RAP1GDS1: variants seen among roughly 807,000 people sequenced by gnomAD.
The protein encoded by RAP1GDS1 is Rap1 GTPase-GDP dissociation stimulator 1, also known as RAP1, GTP-GDP dissociation stimulator 1.
A neutral mutation model predicts 71.1 loss-of-function variants in RAP1GDS1; 35 were observed. The observed-to-expected ratio is 0.49, with a 90% CI of 0.38 to 0.65. The LOEUF (loss-of-function observed/expected upper bound fraction) is 0.65. Ranked by LOEUF, RAP1GDS1 falls within the 30% of genes least tolerant of loss-of-function variation. RAP1GDS1 has a pLI of 0.00. For missense variants in RAP1GDS1, 663 were observed against 706.1 expected (o/e 0.94, Z 0.69); for synonymous variants, 229 against 243.1 (o/e 0.94, Z 0.54).
intron 7 of RAP1GDS1, among the ~76,000 whole-genome samples, chr4:98,415,959 C>T (rs967593827): frequency 9.9e-5 from 15 of 152,054 alleles, no homozygotes; most frequent in Non-Finnish European, 1.9e-4. Context: ...CTCTGTTGCC[C>T]AGACTGGAGT....
At chr4:98,362,110 AG>A (rs1293958968) in intron 4 of RAP1GDS1, among the ~76,000 whole-genome samples, 1 of 152,200 alleles carries the variant, frequency 6.6e-6, no homozygotes, top group Non-Finnish European at 1.5e-5. Flanking sequence ...GCAAAATTAT[AG>A]GGGGAAATGT....
At chr4:98,371,115 C>CT (rs1032888957) in intron 4 of RAP1GDS1, among the ~76,000 whole-genome samples, 3,510 of 135,762 alleles carry the variant, frequency 0.026, 117 homozygotes, top group African/African-American at 0.067. Flanking sequence ...ATTGTTATAT[C>CT]TTTTTTTTTT....
At chr4:98,269,796 A>G (rs1283625852) in intron 1 of RAP1GDS1, among the ~76,000 whole-genome samples, 1 of 152,172 alleles carries the variant, frequency 6.6e-6, no homozygotes, top group South Asian at 2.1e-4. Flanking sequence ...AGTATCATGC[A>G]TGTATTCCAA....
At chr4:98,334,962 T>A (rs1352855236) in intron 2 of RAP1GDS1, among the ~76,000 whole-genome samples, 1 of 149,646 alleles carries the variant, frequency 6.7e-6, no homozygotes, top group Non-Finnish European at 1.5e-5. Flanking sequence ...AGGCTTTACA[T>A]GTCAGCTTAA....
At chr4:98,279,408 T>A (rs928409982) in intron 1 of RAP1GDS1, among the ~76,000 whole-genome samples, 9 of 151,824 alleles carry the variant, frequency 5.9e-5, no homozygotes, top group South Asian at 4.2e-4. Flanking sequence ...ATTTAAAAAA[T>A]TTTTAAATGA....
At chr4:98,263,277 TC>T (rs1428346560) in intron 1 of RAP1GDS1, among the ~76,000 whole-genome samples, 1 of 152,224 alleles carries the variant, frequency 6.6e-6, no homozygotes, top group Non-Finnish European at 1.5e-5. Context: ...AAATATATTT[TC>T]CCATGTTTCC....
intron 6 of RAP1GDS1, among the ~76,000 whole-genome samples, chr4:98,397,107 ATTG>A (rs1050144435): frequency 7.9e-5 from 12 of 152,202 alleles, no homozygotes; most frequent in African/African-American, 2.2e-4. Flanking sequence ...TTTCCTCCTG[ATTG>A]TTATTTATGC....
At chr4:98,340,744 G>A (rs576958627) in intron 2 of RAP1GDS1, among the ~76,000 whole-genome samples, 101 of 151,710 alleles carry the variant, frequency 6.7e-4, no homozygotes, top group African/African-American at 2.4e-3. Flanking sequence ...GCAAGACTCC[G>A]TCTCAAAAAA....
At chr4:98,403,757 G>A (rs902734328) in intron 6 of RAP1GDS1, among the ~76,000 whole-genome samples, 2 of 152,192 alleles carry the variant, frequency 1.3e-5, no homozygotes, top group African/African-American at 2.4e-5. Flanking sequence ...AGGTCTTGTG[G>A]AAAAGGAGGA....
chr4:98,428,731 C>G (rs1749974720), intron 12 of RAP1GDS1, among the ~76,000 whole-genome samples: 1 of 152,164 alleles, frequency 6.6e-6, no homozygotes, highest in Non-Finnish European at 1.5e-5. Flanking sequence ...AATACTTCTA[C>G]ACTGCTGGTG....
chr4:98,391,035 A>G (rs1302300583), intron 5 of RAP1GDS1, among the ~76,000 whole-genome samples: 2 of 152,186 alleles, frequency 1.3e-5, no homozygotes, highest in African/African-American at 4.8e-5. Flanking sequence ...TGGATGAACC[A>G]GTTATGGACA....
chr4:98,423,542 T>C (rs540527458), intron 12 of RAP1GDS1, among the ~76,000 whole-genome samples: 355 of 152,304 alleles, frequency 2.3e-3, no homozygotes, highest in Non-Finnish European at 4.1e-3. Context: ...TTTGTTTTTT[T>C]GTTTTTTCGG....
intron 2 of RAP1GDS1, among the ~76,000 whole-genome samples, chr4:98,320,274 T>A (rs960702819): frequency 6.6e-6 from 1 of 152,214 alleles, no homozygotes; most frequent in African/African-American, 2.4e-5. Flanking sequence ...CACATATACT[T>A]ACTCATTTTT....
At chr4:98,430,926 T>C (rs1008332059) in intron 12 of RAP1GDS1, among the ~76,000 whole-genome samples, 4 of 152,210 alleles carry the variant, frequency 2.6e-5, no homozygotes, top group Non-Finnish European at 5.9e-5. Context: ...CTCAGCACTT[T>C]GCAGTGTATT....
chr4:98,315,992 CAA>C (rs1196158436), intron 2 of RAP1GDS1, among the ~76,000 whole-genome samples: 1 of 152,006 alleles, frequency 6.6e-6, no homozygotes, highest in Non-Finnish European at 1.5e-5. Context: ...GATAACTGAA[CAA>C]TGTTGAAGGG....
At chr4:98,422,052 T>C (rs1001526185) in intron 12 of RAP1GDS1, among the ~76,000 whole-genome samples, 36 of 151,428 alleles carry the variant, frequency 2.4e-4, no homozygotes, top group Non-Finnish European at 7.4e-5. Context: ...AAAAAAAAAT[T>C]AGCTGGGCGT....
intron 4 of RAP1GDS1, among the ~76,000 whole-genome samples, chr4:98,363,099 G>A (rs1738983825): frequency 1.3e-5 from 2 of 152,104 alleles, no homozygotes; most frequent in Admixed American, 1.3e-4. Flanking sequence ...GTATTTGAGG[G>A]TGAAGAAAGT....
At chr4:98,315,269 A>G (rs1294802896) in intron 2 of RAP1GDS1, among the ~76,000 whole-genome samples, 1 of 152,092 alleles carries the variant, frequency 6.6e-6, no homozygotes, top group Non-Finnish European at 1.5e-5. Flanking sequence ...CTTACTGGAC[A>G]GTTAGCTCTC....
At chr4:98,356,616 A>C (rs1035563229) in intron 4 of RAP1GDS1, among the ~76,000 whole-genome samples, 1 of 152,126 alleles carries the variant, frequency 6.6e-6, no homozygotes, top group Non-Finnish European at 1.5e-5. Flanking sequence ...TAATGTACAA[A>C]TCAAATAAAA....
Sources: gnomAD v4.1 joint callset for allele counts (sites outside exome capture counted in the v4.1 genomes callset) on GRCh38, gnomAD v4.1.1 for gene constraint, MANE v1.5 for transcripts, NCBI Gene and HGNC (gene_info 2026-07-23, HGNC 2026-07-21) for gene names.